Variants in MSI2 observed in about 807,000 individuals in gnomAD.
The protein encoded by MSI2 is musashi RNA binding protein 2.
MSI2 carries 17 observed loss-of-function variants against 45.6 expected under a neutral mutation model. The observed-to-expected ratio is 0.37, with a 90% CI of 0.26 to 0.56. MSI2 has a LOEUF of 0.56. Among genes scored for constraint, MSI2 ranks in the 20% least tolerant of loss-of-function variants. MSI2 has a pLI of 0.77. For synonymous variants in MSI2, 156 were observed against 158.2 expected, an observed-to-expected ratio of 0.99 and a Z score of 0.11; for missense variants, 293 against 444.2, an observed-to-expected ratio of 0.66 and a Z score of 3.06.
intron 6 of MSI2, among the ~76,000 whole-genome samples, chr17:57,426,617 G>T (rs188376349): frequency 2.6e-5 from 4 of 152,288 alleles, no homozygotes; most frequent in African/African-American, 4.8e-5. Context: ...AATGGTTGTT[G>T]AGTGCTTTTG....
intron 7 of MSI2, among the ~76,000 whole-genome samples, chr17:57,574,453 G>A (rs904162522): frequency 1.3e-5 from 2 of 152,202 alleles, no homozygotes; most frequent in African/African-American, 4.8e-5. Flanking sequence ...GTGCATGGGC[G>A]GGGCAGGGCG....
rs1018080339 is a variant in MSI2, at chr17:57,331,366, G to A, written c.312+69174G>A. 2.6e-5 allele frequency among the ~76,000 whole-genome samples: 4 copies of A among 152,292 alleles called. No individual in the cohort carries two copies. In the East Asian group the frequency reaches 7.7e-4, roughly 29 times the overall value. ...CCTCTTTTTTGAGGCCTCTGAGCTG[G>A]GGAGGGGGCAGGGTGAGGGAGTGGG... On this transcript the variant is annotated intron_variant, in intron 5 of 13. Transcript: ENST00000284073.
chr17:57,628,648 G>GA (rs1909040511), intron 10 of MSI2: 1 of 152,666 alleles, frequency 6.6e-6, no homozygotes. Flanking sequence ...GTGTGGGTCA[G>GA]AGGGTGCAGG....
At chr17:57,564,902 G>A (rs557168301) in intron 7 of MSI2, among the ~76,000 whole-genome samples, 16 of 152,144 alleles carry the variant, frequency 1.1e-4, no homozygotes, top group Admixed American at 3.9e-4. Context: ...CAATCGTGAC[G>A]CCTTGGGTTG....
chr17:57,287,459 C>T (rs1053931132), intron 5 of MSI2, among the ~76,000 whole-genome samples: 9 of 152,158 alleles, frequency 5.9e-5, no homozygotes, highest in Admixed American at 2.0e-4. Flanking sequence ...TGGAGGACTG[C>T]CGGGGCTTAC....
intron 13 of MSI2, among the ~76,000 whole-genome samples, 165 bp downstream of exon 13, chr17:57,677,224 G>A (rs1010694036): frequency 3.9e-5 from 6 of 152,130 alleles, no homozygotes; most frequent in Non-Finnish European, 5.9e-5. Flanking sequence ...AAATCCAGTC[G>A]TTTAATCTCT....
At chr17:57,539,812 C>G (rs1221258191) in intron 7 of MSI2, among the ~76,000 whole-genome samples, 1 of 152,132 alleles carries the variant, frequency 6.6e-6, no homozygotes, top group Non-Finnish European at 1.5e-5. Context: ...GGGAGGTCCT[C>G]CATCCCAGGA....
At chr17:57,446,077 A>T (rs1255304004) in intron 6 of MSI2, among the ~76,000 whole-genome samples, 1 of 152,140 alleles carries the variant, frequency 6.6e-6, no homozygotes, top group Non-Finnish European at 1.5e-5. Context: ...ATACACGAAC[A>T]CACTCCTTAC....
chr17:57,522,734 C>G (rs1051105804), intron 6 of MSI2: 1 of 152,324 alleles, frequency 6.6e-6, no homozygotes, highest in Admixed American at 6.5e-5. Flanking sequence ...CAGTGAGATC[C>G]TGGTGGGGCT....
intron 3 of MSI2, 111 bp from the exon 4 acceptor site, chr17:57,258,159 G>T (rs1208858008): frequency 2.4e-6 from 2 of 826,386 alleles, no homozygotes; most frequent in South Asian, 1.5e-5. Context: ...GGAGGTGGGG[G>T]TGCGTGGGGG....
intron 6 of MSI2, among the ~76,000 whole-genome samples, chr17:57,441,451 T>G (rs1598273875): frequency 6.6e-6 from 1 of 152,168 alleles, no homozygotes; most frequent in East Asian, 1.9e-4. Context: ...GGAGGTAGAT[T>G]TTTTTTCAAG....
At chr17:57,490,092 C>T (rs887071043) in intron 6 of MSI2, among the ~76,000 whole-genome samples, 3 of 152,154 alleles carry the variant, frequency 2.0e-5, no homozygotes, top group African/African-American at 7.2e-5. Context: ...TCTCCCAGGG[C>T]AAGCTCTTTA....
At chr17:57,605,557 C>T (rs1906468345) in intron 8 of MSI2, among the ~76,000 whole-genome samples, 1 of 152,132 alleles carries the variant, frequency 6.6e-6, no homozygotes, top group Admixed American at 6.5e-5. Context: ...AGCATGGAGA[C>T]CACTAGGAGG....
chr17:57,422,156 C>G lies in MSI2; in HGVS notation c.405+20685C>G, dbSNP rs189726919. Among the ~76,000 whole-genome samples the G allele has an allele frequency of 4.6e-5, 7 of 152,284 alleles. No homozygotes were observed. The East Asian group carries it at 1.3e-3, about 29-fold the overall frequency. On this transcript the variant is annotated intron_variant, in intron 6 of 13. Coordinates refer to ENST00000284073, the MANE Select transcript of MSI2 (RefSeq NM_138962.4). The stretch of plus-strand genomic sequence containing the variant: ...CACTGTGTACTAGGTACTACACGAA[C>G]TGCTTTTATTAGTAGATAAATGGGG...
intron 5 of MSI2, among the ~76,000 whole-genome samples, chr17:57,399,323 G>T (rs1043086806): frequency 6.6e-6 from 1 of 152,208 alleles, no homozygotes; most frequent in Non-Finnish European, 1.5e-5. Flanking sequence ...GCCACTGCTT[G>T]GTTCTAATGG....
At chr17:57,692,051 A>T in the MSI2 span, among the ~76,000 whole-genome samples, 1 of 152,240 alleles carries the variant, frequency 6.6e-6, no homozygotes, top group African/African-American at 2.4e-5. Context: ...GAGAGCATGT[A>T]TGCAGCATAA....
intron 11 of MSI2, among the ~76,000 whole-genome samples, chr17:57,665,874 C>A (rs1437019978): frequency 6.6e-6 from 1 of 152,168 alleles, no homozygotes; most frequent in Admixed American, 6.5e-5. Context: ...TCCACGCTGA[C>A]CCCACCAGTA....
At chr17:57,463,264 A>T (rs1424069120) in intron 6 of MSI2, among the ~76,000 whole-genome samples, 6 of 152,052 alleles carry the variant, frequency 3.9e-5, no homozygotes, top group Non-Finnish European at 5.9e-5. Context: ...TGTATGTAGG[A>T]GTGGGGGTGG....
At chr17:57,389,552 C>T (rs1211382316) in intron 5 of MSI2, among the ~76,000 whole-genome samples, 3 of 152,202 alleles carry the variant, frequency 2.0e-5, no homozygotes, top group African/African-American at 7.2e-5. Flanking sequence ...AACACAGGCT[C>T]TTACTTGAAT....
Sources: allele counts gnomAD v4.1 joint callset (sites outside exome capture counted in the v4.1 genomes callset), GRCh38; gene constraint gnomAD v4.1.1; transcripts MANE v1.5; gene names NCBI Gene and HGNC (gene_info 2026-07-23, HGNC 2026-07-21).